The following KANK2 variants were observed in gnomAD, a reference collection of about 807,000 sequenced individuals.
KANK2 encodes the protein KN motif and ankyrin repeat domains 2.
KANK2 carries 41 observed loss-of-function variants against 74.6 expected under a neutral mutation model. The ratio of observed to expected loss-of-function variants is 0.55; its 90% CI spans 0.43 to 0.71. KANK2 has a LOEUF of 0.71. Ranked by LOEUF, KANK2 falls within the 30% of genes least tolerant of loss-of-function variation. The pLI, the probability that KANK2 is intolerant of heterozygous loss-of-function variation, is 0.00. For missense variants in KANK2, 1,148 were observed against 1,196.4 expected, an observed-to-expected ratio of 0.96 and a Z score of 0.60; for synonymous variants, 537 against 519.0, an observed-to-expected ratio of 1.03 and a Z score of -0.47.
chr19:11,191,268 T>C (rs1355696516), intron 4 of KANK2, among the ~76,000 whole-genome samples: 1 of 152,130 alleles, frequency 6.6e-6, no homozygotes, highest in Admixed American at 6.5e-5. Flanking sequence ...CTTGAACTCC[T>C]GGCCTCAAGC....
At chr19:11,172,637 G>A (rs565177839) in intron 10 of KANK2, among the ~76,000 whole-genome samples, 83 of 152,206 alleles carry the variant, frequency 5.5e-4, no homozygotes, top group Admixed American at 1.6e-3. Flanking sequence ...CTTGAGTCCC[G>A]GTGCTCCCTA....
Position 11,175,914 on chromosome 19 carries a change from T to G in KANK2, c.1836A>C (p.Thr612=), listed in dbSNP as rs775442350. The change falls in exon 8 of 13, where the codon ACA becomes ACC. Residue 612 remains threonine, a synonymous_variant. Transcript: ENST00000586659. ...EKYLDNPNAL[T]ERELKVAYTT... is the part of the protein sequence containing the mutation. The stretch of plus-strand genomic sequence containing the variant: ...GGCCAGATCGTACCAGCTCCCGCTC[T>G]GTGAGGGCGTTGGGATTGTCCAGGT... The G allele has an allele frequency of 4.3e-6, 7 of 1,613,492 alleles. No individual in the cohort carries two copies. Among genetic ancestry groups the G allele is most frequent in the Non-Finnish European group, 5.9e-6 (7 of 1,179,706 alleles).
intron 4 of KANK2, among the ~76,000 whole-genome samples, chr19:11,181,088 CA>C (rs752985367): frequency 3.5e-3 from 84 of 24,102 alleles, no homozygotes; most frequent in Admixed American, 5.6e-3. Flanking sequence ...CTCTTGTCTC[CA>C]AAAAAAAAAA....
intron 12 of KANK2, among the ~76,000 whole-genome samples, chr19:11,169,387 A>G (rs2078109460): frequency 6.6e-6 from 1 of 152,166 alleles, no homozygotes; most frequent in South Asian, 2.1e-4. Context: ...GTGCGCCTGT[A>G]GTCCCAACTA....
chr19:11,175,842 G>T, intron 8 of KANK2, 60 bp downstream of exon 8: 1 of 1,255,074 alleles, frequency 8.0e-7, no homozygotes, highest in Non-Finnish European at 1.2e-6. Context: ...GAGAGGCCAC[G>T]GGTGGGGTGG....
Position 11,166,233 on chromosome 19 carries a change from C to T in KANK2, c.*325G>A, listed in dbSNP as rs2078019727. On this transcript the variant is annotated 3_prime_UTR_variant, in exon 13 of 13. Coordinates refer to ENST00000586659, the MANE Select transcript of KANK2 (RefSeq NM_001136191.3). Reference sequence around the variant, plus strand: ...TATTTTTTTCCTCTCCCTCTTCCTCCATCCATAATTACCAGCTGATTGTTC... The same window carrying T: ...TATTTTTTTCCTCTCCCTCTTCCTCTATCCATAATTACCAGCTGATTGTTC... The T allele has an allele frequency of 3.7e-6, 1 of 270,768 alleles. No homozygotes were observed. Among genetic ancestry groups the T allele is most frequent in the Non-Finnish European group, 6.9e-6 (1 of 144,194 alleles). The allele number at this position is 270,768 out of a possible 1,614,324, so 16.8% of individuals were successfully genotyped here.
At chr19:11,173,711 G>A (rs1432721630) in intron 9 of KANK2, among the ~76,000 whole-genome samples, 1 of 152,110 alleles carries the variant, frequency 6.6e-6, no homozygotes, top group East Asian at 1.9e-4. Context: ...GGAAGGAAGT[G>A]TCTCCTCCAT....
Position 11,193,052 on chromosome 19 carries a change from G to GCCA in KANK2, c.1025_1027dup (p.Val342dup), listed in dbSNP as rs1032364356. The GCCA allele has an allele frequency of 2.5e-6, 4 of 1,610,996 alleles. No homozygotes were observed. In the African/African-American group the frequency reaches 5.3e-5, roughly 22 times the overall value. On this transcript the variant is annotated inframe_insertion, in exon 4 of 13. Coordinates refer to ENST00000586659, the MANE Select transcript of KANK2 (RefSeq NM_001136191.3). This position sits in a 1 kb window ranked among gnomAD's most constrained non-coding sequence, Gnocchi z 9.6. ...TGCGGGGGCGCCAGCGGCTGTGCTG[G>GCCA]CCACCACCTCCACCTCCCGTGGCCC...
intron 6 of KANK2, among the ~76,000 whole-genome samples, chr19:11,177,457 C>T (rs1281800832): frequency 2.0e-5 from 3 of 152,072 alleles, no homozygotes; most frequent in Non-Finnish European, 4.4e-5. Context: ...TGGGTTCAAG[C>T]GATTCTCCTG....
intron 8 of KANK2, 36 bp from the exon 9 acceptor site, chr19:11,174,728 G>A (rs774621255): frequency 8.8e-5 from 133 of 1,518,340 alleles, no homozygotes; most frequent in Non-Finnish European, 1.1e-4. Context: ...ATGTGAGGGC[G>A]GGGGAGGCCC....
At chr19:11,171,533 T>C (rs576071014) in intron 10 of KANK2, among the ~76,000 whole-genome samples, 5 of 151,696 alleles carry the variant, frequency 3.3e-5, no homozygotes, top group African/African-American at 9.7e-5. Context: ...ACCTTCTTTT[T>C]TTTTTTAATA....
intron 4 of KANK2, among the ~76,000 whole-genome samples, chr19:11,189,603 C>CAAAAAA (rs56203270): frequency 1.2e-4 from 5 of 43,140 alleles, no homozygotes; most frequent in South Asian, 1.5e-3. Context: ...GACTCTGTCT[C>CAAAAAA]AAAAAAAAAA....
At position 11,178,866 on chromosome 19, in the gene KANK2, T is replaced by C; in HGVS notation, c.1250-146A>G. On this transcript the variant is annotated intron_variant, in intron 4 of 12. Transcript: ENST00000586659. ...AGTCTTCCTGCCCCTTGGAGGGAAA[T>C]CGGATTATTACAGATGAGGAAACTG... 4 of 711,888 alleles carry C rather than the reference T, an allele frequency of 5.6e-6. No homozygotes were observed. In the South Asian group the frequency reaches 9.9e-5, roughly 18 times the overall value. 44.1% of individuals were successfully genotyped at this position (711,888 alleles called of 1,614,324 possible). A position where few individuals can be genotyped will look rare whatever the true frequency, so the allele number is the denominator to read the frequency against.
At chr19:11,180,436 C>T (rs553771514) in intron 4 of KANK2, among the ~76,000 whole-genome samples, 1 of 151,950 alleles carries the variant, frequency 6.6e-6, no homozygotes, top group Non-Finnish European at 1.5e-5. Context: ...CTTCCTGAGG[C>T]CCACAGGCAA....
chr19:11,184,367 C>T (rs1600818159), intron 4 of KANK2, among the ~76,000 whole-genome samples: 1 of 144,848 alleles, frequency 6.9e-6, no homozygotes, highest in African/African-American at 2.5e-5. Context: ...CAGAGCGAAA[C>T]TCTGTCTCAA....
chr19:11,171,559 T>TG (rs376191840), intron 10 of KANK2, among the ~76,000 whole-genome samples: 4,713 of 114,406 alleles, frequency 0.041, 101 homozygotes, highest in Non-Finnish European at 0.059. Context: ...GAGGTGGGGG[T>TG]GGGGGGGTGT....
rs769212708 is a variant in KANK2 at position 11,169,980 on chromosome 19, G to A, written c.2413-14C>T. 8.7e-6 allele frequency: 14 copies of A among 1,613,704 alleles called. No homozygotes were observed. The highest frequency in any genetic ancestry group is 3.3e-5 in the South Asian group (3 of 91,066). ...TGTGCTCCCATCCTGCAAAGTATCC[G>A]GTGCTATGAATGACGTCCCCATGCT... is the stretch of plus-strand genomic sequence containing the variant. On this transcript the variant is annotated splice_polypyrimidine_tract_variant and intron_variant, in intron 11 of 12. Coordinates refer to ENST00000586659, the MANE Select transcript of KANK2 (RefSeq NM_001136191.3).
intron 4 of KANK2, among the ~76,000 whole-genome samples, chr19:11,186,145 T>TGGG (rs2078668246): frequency 6.6e-6 from 1 of 152,178 alleles, no homozygotes; most frequent in Admixed American, 6.6e-5. Context: ...CCCAGCACTT[T>TGGG]GGGAGGCCAA....
intron 2 of KANK2, 193 bp from the exon 3 acceptor site, chr19:11,194,783 A>G: frequency 2.6e-6 from 1 of 386,126 alleles, no homozygotes; most frequent in South Asian, 2.4e-5. Flanking sequence ...TGGAACAAAG[A>G]AACCAAACCT....
Sources: gnomAD v4.1 joint callset for allele counts (sites outside exome capture counted in the v4.1 genomes callset) on GRCh38, gnomAD v4.1.1 for gene constraint, Gnocchi (gnomAD v3.1) non-coding constraint, MANE v1.5 for transcripts, NCBI Gene and HGNC (gene_info 2026-07-23, HGNC 2026-07-21) for gene names.